The following ADARB2 variants were observed in gnomAD, a reference collection of about 807,000 sequenced individuals.
The protein encoded by ADARB2 is adenosine deaminase RNA specific B2 (inactive).
In ADARB2, 25 loss-of-function variants were observed where a neutral mutation model predicts 62.2. The ratio of observed to expected loss-of-function variants is 0.40; its 90% CI spans 0.29 to 0.56. The LOEUF is 0.56. ADARB2 is among the 20% of genes least tolerant of loss of function. The pLI, the probability that ADARB2 is intolerant of heterozygous loss-of-function variation, is 0.43. For missense variants in ADARB2, 1,071 were observed against 1,077.4 expected (o/e 0.99, Z 0.08); for synonymous variants, 572 against 500.8 (o/e 1.14, Z -1.90).
Position 1,183,035 on chromosome 10 carries a change from T to G in ADARB2, c.*158A>C. On this transcript the variant is annotated 3_prime_UTR_variant, in exon 10 of 10. Transcript: ENST00000381312. ...GATCTGGAAAGAGGCACGTTCTGAA[T>G]TTGTGTTGTTGCTCGTCCAAACATT... The G allele has an allele frequency of 1.2e-6, 1 of 831,932 alleles. No individual in the cohort carries two copies. The allele number at this position is 831,932 out of a possible 1,614,324, so 51.5% of individuals were successfully genotyped here. A position where few individuals can be genotyped will look rare whatever the true frequency, so the allele number is the denominator to read the frequency against.
chr10:1,362,892 A>C, intron 3 of ADARB2, 136 bp downstream of exon 3: 2 of 864,888 alleles, frequency 2.3e-6, no homozygotes, highest in Non-Finnish European at 3.1e-6. Context: ...AGGCCGGGAG[A>C]CATTCTTTCC....
chr10:1,588,140 C>T (rs186884252), intron 1 of ADARB2, among the ~76,000 whole-genome samples: 2 of 152,292 alleles, frequency 1.3e-5, no homozygotes, highest in East Asian at 3.9e-4. Context: ...TGGCTCAAGG[C>T]TCACTTCAAG....
intron 1 of ADARB2, among the ~76,000 whole-genome samples, chr10:1,613,026 C>G (rs1008293365): frequency 2.6e-5 from 4 of 152,206 alleles, no homozygotes; most frequent in African/African-American, 9.6e-5. Context: ...AGAGTTACAG[C>G]CCACATGAAT....
chr10:1,459,939 T>TGTGTA (rs1831147603), intron 1 of ADARB2, among the ~76,000 whole-genome samples: 1 of 144,416 alleles, frequency 6.9e-6, no homozygotes, highest in African/African-American at 2.7e-5. Flanking sequence ...TGAGTTTACC[T>TGTGTA]GCGTTACGAA....
At chr10:1,486,843 C>T (rs1189149790) in intron 1 of ADARB2, among the ~76,000 whole-genome samples, 5 of 152,082 alleles carry the variant, frequency 3.3e-5, no homozygotes, top group African/African-American at 1.2e-4. Context: ...TAAGAGAGTC[C>T]CACATTTAAA....
At chr10:1,495,134 G>A (rs895857156) in intron 1 of ADARB2, among the ~76,000 whole-genome samples, 1 of 152,072 alleles carries the variant, frequency 6.6e-6, no homozygotes, top group African/African-American at 2.4e-5. Flanking sequence ...TTGGAAAATT[G>A]CTTTTTATCA....
chr10:1,185,162 C>A, intron 8 of ADARB2, 123 bp from the exon 9 acceptor site: 1 of 1,259,662 alleles, frequency 7.9e-7, no homozygotes, highest in Non-Finnish European at 1.1e-6. Flanking sequence ...TTTTCATCCT[C>A]AGGACTGGCC....
intron 1 of ADARB2, among the ~76,000 whole-genome samples, chr10:1,504,540 G>A (rs149364092): frequency 9.2e-5 from 14 of 152,272 alleles, no homozygotes; most frequent in East Asian, 3.9e-4. Context: ...TGTGCACTGC[G>A]TGGAGCCCCA....
intron 1 of ADARB2, among the ~76,000 whole-genome samples, chr10:1,673,700 G>A (rs1772678824): frequency 6.6e-6 from 1 of 152,204 alleles, no homozygotes; most frequent in Non-Finnish European, 1.5e-5. Flanking sequence ...CCCTCCAATG[G>A]AGTCTGCTGC....
chr10:1,243,740 T>C (rs2131778168), intron 4 of ADARB2, among the ~76,000 whole-genome samples: 1 of 152,346 alleles, frequency 6.6e-6, no homozygotes, highest in Middle Eastern at 3.4e-3. Context: ...GGGGTCTGTC[T>C]GTCCAGCCTC....
At chr10:1,279,966 G>A (rs1831355833) in intron 3 of ADARB2, among the ~76,000 whole-genome samples, 1 of 152,184 alleles carries the variant, frequency 6.6e-6, no homozygotes, top group African/African-American at 2.4e-5. Flanking sequence ...AATGAGCTAA[G>A]ACTTCTGGGG....
At chr10:1,317,396 C>T (rs1002678036) in intron 3 of ADARB2, among the ~76,000 whole-genome samples, 2 of 152,154 alleles carry the variant, frequency 1.3e-5, no homozygotes, top group Non-Finnish European at 2.9e-5. Flanking sequence ...CAGGCATAGT[C>T]GATTGTCTTC....
chr10:1,481,634 GGA>G lies in ADARB2; in HGVS notation c.101-102476_101-102475del, dbSNP rs1318120789. The stretch of plus-strand genomic sequence containing the variant: ...ACGCATCATCCCAGCTGAAGTGTGC[GGA>G]TCACGAGGTCAGGAGTTCAAGACCA... On this transcript the variant is annotated intron_variant, in intron 1 of 9. Transcript: ENST00000381312. Among the ~76,000 whole-genome samples, 8 of 20,024 alleles carry G rather than the reference GGA, an allele frequency of 4.0e-4. No individual in the cohort carries two copies. The Non-Finnish European group carries it at 0.025, about 63-fold the overall frequency. 13.1% of individuals were successfully genotyped at this position (20,024 alleles called of 152,430 possible). A position where few individuals can be genotyped will look rare whatever the true frequency, so the allele number is the denominator to read the frequency against.
At position 1,240,302 on chromosome 10, in the gene ADARB2, C is replaced by CCCTCCCGGTGTTTACTCCCCCCTG. The variant is rs1830902173; in HGVS notation, c.1361+1828_1361+1829insCAGGGGGGAGTAAACACCGGGAGG. On this transcript the variant is annotated intron_variant, in intron 5 of 9. Transcript: ENST00000381312. ...TGCCTCCCGGTGTTTACTCCCCTCT[C>CCCTCCCGGTGTTTACTCCCCCCTG]CCTCCCGGTGTTTACTCCCCTCTGC... The CCCTCCCGGTGTTTACTCCCCCCTG allele has an allele frequency of 3.6e-3, 53 of 14,638 alleles. 4 individuals carry two copies. The highest frequency in any genetic ancestry group is 0.021 in the African/African-American group (45 of 2,158). 0.9% of individuals were successfully genotyped at this position (14,638 alleles called of 1,614,324 possible). A position where few individuals can be genotyped will look rare whatever the true frequency, so the allele number is the denominator to read the frequency against.
At chr10:1,391,766 A>ATTTT (rs60956446) in intron 1 of ADARB2, among the ~76,000 whole-genome samples, 4,028 of 91,518 alleles carry the variant, frequency 0.044, 239 homozygotes, top group African/African-American at 0.096. Context: ...TAAGAATTGG[A>ATTTT]TTTTTTTTTT....
chr10:1,312,354 C>A (rs1287739370), intron 3 of ADARB2, among the ~76,000 whole-genome samples: 1 of 152,150 alleles, frequency 6.6e-6, no homozygotes. Context: ...CAGAGTGAGC[C>A]CCCGGCAGGC....
At chr10:1,345,427 A>G (rs1218151693) in intron 3 of ADARB2, among the ~76,000 whole-genome samples, 1 of 152,110 alleles carries the variant, frequency 6.6e-6, no homozygotes. Flanking sequence ...AGCTTCCCAG[A>G]AGGCTTTCCT....
At chr10:1,259,578 A>T (rs1051882463) in intron 4 of ADARB2, among the ~76,000 whole-genome samples, 26 of 152,138 alleles carry the variant, frequency 1.7e-4, no homozygotes, top group African/African-American at 6.0e-4. Context: ...CGACACATAC[A>T]CTCTCCCAAG....
intron 1 of ADARB2, chr10:1,534,807 A>G (rs1832304445): frequency 6.0e-6 from 1 of 167,006 alleles, no homozygotes; most frequent in South Asian, 2.1e-4. Context: ...TTCCCTTTCA[A>G]ATGAAAGGAA....
Sources: gnomAD v4.1 joint callset for allele counts (sites outside exome capture counted in the v4.1 genomes callset) on GRCh38, gnomAD v4.1.1 for gene constraint, MANE v1.5 for transcripts, NCBI Gene and HGNC (gene_info 2026-07-23, HGNC 2026-07-21) for gene names.